ABCD3: variants seen among roughly 807,000 people sequenced by gnomAD.
ABCD3 encodes the protein ATP binding cassette subfamily D member 3.
Under a neutral mutation model 105.5 loss-of-function variants are expected in ABCD3, and 41 were observed. The ratio of observed to expected loss-of-function variants is 0.39; its 90% confidence interval spans 0.30 to 0.50. ABCD3 has a LOEUF of 0.50. Ranked by LOEUF, ABCD3 falls within the 20% of genes least tolerant of loss-of-function variation. The pLI is 0.84. For missense variants in ABCD3, 622 were observed against 806.3 expected, an observed-to-expected ratio of 0.77 and a Z score of 2.77; for synonymous variants, 258 against 269.0, an observed-to-expected ratio of 0.96 and a Z score of 0.40.
the ABCD3 span, among the ~76,000 whole-genome samples, chr1:94,393,923 G>A: frequency 6.6e-6 from 1 of 152,080 alleles, no homozygotes; most frequent in Admixed American, 6.6e-5. Context: ...TTCTTGCTCT[G>A]GACACCACTC....
At chr1:94,439,145 T>G (rs1660039582) in intron 1 of ABCD3, among the ~76,000 whole-genome samples, 1 of 152,224 alleles carries the variant, frequency 6.6e-6, no homozygotes, top group Admixed American at 6.5e-5. Flanking sequence ...GCAAACAGTT[T>G]GTCTGTGACC....
intron 20 of ABCD3, among the ~76,000 whole-genome samples, chr1:94,501,547 G>A (rs1023698821): frequency 6.6e-6 from 1 of 152,178 alleles, no homozygotes; most frequent in Non-Finnish European, 1.5e-5. Flanking sequence ...AATTACCAAA[G>A]TAGAAAGTTG....
intron 1 of ABCD3, among the ~76,000 whole-genome samples, chr1:94,458,158 A>G (rs1372488731): frequency 6.6e-6 from 1 of 152,194 alleles, no homozygotes; most frequent in Non-Finnish European, 1.5e-5. Context: ...GTCATCCTTT[A>G]GAAGACTAGC....
the ABCD3 span, among the ~76,000 whole-genome samples, chr1:94,404,513 T>G: frequency 4.7e-5 from 7 of 149,106 alleles, no homozygotes; most frequent in African/African-American, 1.7e-4. Flanking sequence ...CAGTTTTTCA[T>G]TTTTTCCTTC....
At chr1:94,423,596 T>C (rs1659352203) in intron 1 of ABCD3, among the ~76,000 whole-genome samples, 1 of 152,226 alleles carries the variant, frequency 6.6e-6, no homozygotes, top group African/African-American at 2.4e-5. Flanking sequence ...AGCAGATATT[T>C]ATAGTAGGGC....
At chr1:94,432,948 G>C (rs1218173227) in intron 1 of ABCD3, among the ~76,000 whole-genome samples, 2 of 151,284 alleles carry the variant, frequency 1.3e-5, no homozygotes, top group African/African-American at 2.4e-5. Flanking sequence ...TCTGCCTCCT[G>C]GGTTCAAGCA....
At position 94,517,939 on chromosome 1, in the gene ABCD3, G is replaced by A. The variant is rs1384364755; in HGVS notation, c.*810G>A. 1 of 151,844 alleles carries A rather than the reference G, an allele frequency of 6.6e-6. No individual in the cohort carries two copies. Among genetic ancestry groups the A allele is most frequent in the African/African-American group, 2.4e-5 (1 of 41,404 alleles). 9.4% of individuals were successfully genotyped at this position (151,844 alleles called of 1,614,324 possible). On this transcript the variant is annotated 3_prime_UTR_variant, in exon 23 of 23. Coordinates refer to ENST00000370214, the MANE Select transcript of ABCD3 (RefSeq NM_002858.4). ...TTTTAAGAGAATTAGACAAATTTGT[G>A]TGTGTTAGAAGCCCATTCATTAGAA...
At chr1:94,514,431 A>G (rs1318241542) in intron 21 of ABCD3, 1 of 151,902 alleles carries the variant, frequency 6.6e-6, no homozygotes, top group Non-Finnish European at 1.5e-5. Context: ...TACAGCTATT[A>G]TCTATTAATG....
chr1:94,427,446 A>G (rs2100877929), intron 1 of ABCD3, among the ~76,000 whole-genome samples: 1 of 152,302 alleles, frequency 6.6e-6, no homozygotes, highest in East Asian at 1.9e-4. Context: ...AAAAGTTACC[A>G]CTTCCTTCTA....
At chr1:94,447,204 C>T (rs934075248) in intron 1 of ABCD3, among the ~76,000 whole-genome samples, 2 of 152,084 alleles carry the variant, frequency 1.3e-5, no homozygotes, top group Admixed American at 6.5e-5. Flanking sequence ...TAGAGAACGT[C>T]GTTAATAAAC....
chr1:94,388,974 A>G, the ABCD3 span, among the ~76,000 whole-genome samples: 2 of 152,102 alleles, frequency 1.3e-5, no homozygotes, highest in Admixed American at 6.5e-5. Context: ...AGAGAAAAGC[A>G]TTTCTCCACT....
At chr1:94,468,267 T>C (rs1648259767) in intron 4 of ABCD3, among the ~76,000 whole-genome samples, 1 of 152,188 alleles carries the variant, frequency 6.6e-6, no homozygotes, top group African/African-American at 2.4e-5. Flanking sequence ...TATCAAGAGT[T>C]AGAGACAGGT....
intron 1 of ABCD3, among the ~76,000 whole-genome samples, chr1:94,435,261 C>T (rs890068239): frequency 6.6e-6 from 1 of 152,092 alleles, no homozygotes; most frequent in Non-Finnish European, 1.5e-5. Flanking sequence ...TATATAAAGC[C>T]AGGCATGGTG....
intron 4 of ABCD3, among the ~76,000 whole-genome samples, chr1:94,469,634 A>G (rs1432218164): frequency 9.8e-6 from 1 of 102,366 alleles, no homozygotes; most frequent in Non-Finnish European, 2.0e-5. Flanking sequence ...CCCCCGCCCT[A>G]TACGTTTTGT....
At chr1:94,507,896 T>C (rs1650448400) in intron 21 of ABCD3, among the ~76,000 whole-genome samples, 1 of 147,428 alleles carries the variant, frequency 6.8e-6, no homozygotes, top group African/African-American at 2.5e-5. Context: ...TATTAGCCCT[T>C]TGTCAGATGA....
chr1:94,460,463 C>G lies in ABCD3; in HGVS notation c.147+1820C>G, dbSNP rs146879942. On this transcript the variant is annotated intron_variant, in intron 2 of 22. Coordinates refer to ENST00000370214, the MANE Select transcript of ABCD3 (RefSeq NM_002858.4). ...GGTTCTTATTTCTCCATTGAGACCACAATAATTTTATAAGAAACATCTAAT... is the reference window on the plus strand; with the variant it reads ...GGTTCTTATTTCTCCATTGAGACCAGAATAATTTTATAAGAAACATCTAAT... Among the ~76,000 whole-genome samples, 3 of 152,200 alleles carry G rather than the reference C, an allele frequency of 2.0e-5. No individual in the cohort carries two copies. The East Asian group carries it at 5.8e-4, about 29-fold the overall frequency.
chr1:94,498,606 G>GTTTT lies in ABCD3; in HGVS notation c.1391_1392insTTTT (p.Ser465PhefsTer5). ...TGATTTTTTTTTTTTTTTCAGGTTC[G>GTTTT]ATCTGGGGCTAATGTTCTAATTTGT... On this transcript the variant is annotated frameshift_variant, in exon 17 of 23. Transcript: ENST00000370214. LOFTEE classifies it high-confidence loss of function. 1 of 1,600,012 alleles carries GTTTT rather than the reference G, an allele frequency of 6.2e-7. No individual in the cohort carries two copies. The highest frequency in any genetic ancestry group is 8.5e-7 in the Non-Finnish European group (1 of 1,175,650).
chr1:94,502,557 C>T (rs1650150464), intron 20 of ABCD3, among the ~76,000 whole-genome samples: 1 of 150,044 alleles, frequency 6.7e-6, no homozygotes, highest in Admixed American at 6.7e-5. Flanking sequence ...AGTGCAGTGG[C>T]ACAATCTCAG....
chr1:94,428,420 A>G lies in ABCD3; in HGVS notation c.110+9832A>G, dbSNP rs376421629. ...AGAATGAGGCAACTGCTCTAGGTAA[A>G]TAATAATTTAGTCAACATGTTATGT... is the stretch of plus-strand genomic sequence containing the variant. On this transcript the variant is annotated intron_variant, in intron 1 of 22. Transcript: ENST00000370214. 2.0e-5 allele frequency among the ~76,000 whole-genome samples: 3 copies of G among 152,196 alleles called. No homozygotes were observed. In the East Asian group the frequency reaches 5.8e-4, roughly 29 times the overall value.
Sources: gnomAD v4.1 joint callset for allele counts (sites outside exome capture counted in the v4.1 genomes callset) on GRCh38, gnomAD v4.1.1 for gene constraint, MANE v1.5 for transcripts, NCBI Gene and HGNC (gene_info 2026-07-23, HGNC 2026-07-21) for gene names.